PDIA3: variants seen among roughly 807,000 people sequenced by gnomAD.
PDIA3 encodes the protein protein disulfide-isomerase A3.
Under a neutral mutation model 56.9 loss-of-function variants are expected in PDIA3, and 16 were observed. The observed-to-expected ratio is 0.28, with a 90% CI of 0.19 to 0.43. The LOEUF (loss-of-function observed/expected upper bound fraction) is 0.43, where lower values mean the gene tolerates loss of function less well. Among genes scored for constraint, PDIA3 ranks in the 20% least tolerant of loss-of-function variants. The probability of loss-of-function intolerance (pLI) is 1.00; values close to 1 mark genes in which losing one functional copy is unlikely to be tolerated. For synonymous variants in PDIA3, 192 were observed against 216.5 expected (o/e 0.89, Z 0.99); for missense variants, 485 against 621.3 (o/e 0.78, Z 2.33).
At chr15:43,761,863 G>A (rs192199453) in intron 4 of PDIA3, among the ~76,000 whole-genome samples, 31 of 152,212 alleles carry the variant, frequency 2.0e-4, no homozygotes, top group South Asian at 4.1e-4. Context: ...TATCTTCAGC[G>A]TTTTCTAATG....
intron 1 of PDIA3, 114 bp downstream of exon 1, chr15:43,746,820 G>C: frequency 8.6e-7 from 1 of 1,162,386 alleles, no homozygotes; most frequent in Non-Finnish European, 1.2e-6. Flanking sequence ...GTGGGCCCCT[G>C]CTGCGGCGGG....
At chr15:43,751,271 T>A (rs1303940319) in intron 1 of PDIA3, among the ~76,000 whole-genome samples, 1 of 152,100 alleles carries the variant, frequency 6.6e-6, no homozygotes, top group Non-Finnish European at 1.5e-5. Context: ...CCTGCCTCTC[T>A]ATTGGCATCT....
In PDIA3 at chr15:43,765,948, C is replaced by G. The variant is rs151274866; in HGVS notation, c.781C>G (p.Leu261Val). 1.1e-5 allele frequency: 18 copies of G among 1,613,150 alleles called. No homozygotes were observed. Among genetic ancestry groups the G allele is most frequent in the Non-Finnish European group, 1.5e-5 (18 of 1,179,448 alleles). Residue 261 changes from leucine to valine, a missense_variant, in exon 7 of 13, where the codon CTT becomes GTT. Physicochemically the swap from Leu to Val is conservative, Grantham distance 32. Coordinates refer to ENST00000300289, the MANE Select transcript of PDIA3 (RefSeq NM_005313.5). ...AGATTTGATACAGGGCAAGGACTTA[C>G]TTATTGCTTACTATGATGTGGACTA... ...NKDLIQGKDLLIAYYDVDYEK... is the reference protein window; with the variant it reads ...NKDLIQGKDLVIAYYDVDYEK...
chr15:43,768,561 T>C lies in PDIA3; in HGVS notation c.1101T>C (p.Ser367=). The C allele has an allele frequency of 6.2e-7, 1 of 1,613,576 alleles. No homozygotes were observed. The highest frequency in any genetic ancestry group is 8.5e-7 in the Non-Finnish European group (1 of 1,179,486). Residue 367 remains serine (S), a synonymous_variant, in exon 9 of 13, where the codon TCT becomes TCC. Coordinates refer to ENST00000300289, the MANE Select transcript of PDIA3 (RefSeq NM_005313.5). The stretch of plus-strand genomic sequence containing the variant: ...GCAATCTGAAGAGATACCTGAAGTC[T>C]GAACCTATCCCAGAGAGCAATGATG... ...FDGNLKRYLK[S]EPIPESNDGP... is the part of the protein sequence containing the mutation.
chr15:43,766,031 T>G lies in PDIA3; in HGVS notation c.845+19T>G, dbSNP rs779352395. 3 of 1,611,646 alleles carry G rather than the reference T, an allele frequency of 1.9e-6. No homozygotes were observed. Among genetic ancestry groups the G allele is most frequent in the Non-Finnish European group, 2.5e-6 (3 of 1,178,844 alleles). On this transcript the variant is annotated intron_variant, in intron 7 of 12. Transcript: ENST00000300289. ...GAAACAGGTAATAAGAATTATGTTT[T>G]TCCCTCATGAACAAGTTTACCCAAT...
In PDIA3 at chr15:43,771,268, G is replaced by C; in HGVS notation, c.*50G>C. On this transcript the variant is annotated 3_prime_UTR_variant, in exon 13 of 13. Transcript: ENST00000300289. ...AAAAGGACTCTTCCATCAGAGATGGGAAAACCATTGGGGAGGACTAGGACC... is the reference window on the plus strand; with the variant it reads ...AAAAGGACTCTTCCATCAGAGATGGCAAAACCATTGGGGAGGACTAGGACC... 1 of 1,198,554 alleles carries C rather than the reference G, an allele frequency of 8.3e-7. No individual in the cohort carries two copies. The highest frequency in any genetic ancestry group is 1.2e-6 in the Non-Finnish European group (1 of 813,276). The allele number at this position is 1,198,554 out of a possible 1,614,324, so 74.2% of individuals were successfully genotyped here. A position where few individuals can be genotyped will look rare whatever the true frequency, so the allele number is the denominator to read the frequency against.
At chr15:43,769,012 G>A (rs2086865511) in intron 9 of PDIA3, among the ~76,000 whole-genome samples, 1 of 149,826 alleles carries the variant, frequency 6.7e-6, no homozygotes. Context: ...CGACAAGAGC[G>A]AAACTCCATC....
rs111423973 is a variant in PDIA3, at chr15:43,746,916, G to C, written c.167+210G>C. ...TCGGCCCAAGGAAAACCCGAAGGCTGCGCTCACGCAGGGCCTCATCCTTAT... is the reference window on the plus strand; with the variant it reads ...TCGGCCCAAGGAAAACCCGAAGGCTCCGCTCACGCAGGGCCTCATCCTTAT... On this transcript the variant is annotated intron_variant, in intron 1 of 12. Coordinates refer to ENST00000300289, the MANE Select transcript of PDIA3 (RefSeq NM_005313.5). 2,263 of 590,174 alleles carry C rather than the reference G, an allele frequency of 3.8e-3. 51 individuals carry two copies. In the African/African-American group the frequency reaches 0.039, roughly 10 times the overall value. The allele number at this position is 590,174 out of a possible 1,614,324, so 36.6% of individuals were successfully genotyped here.
At chr15:43,765,179 C>G (rs1159423213) in intron 5 of PDIA3, among the ~76,000 whole-genome samples, 1 of 151,914 alleles carries the variant, frequency 6.6e-6, no homozygotes, top group Non-Finnish European at 1.5e-5. Context: ...AGTTCAAGAC[C>G]ACCCTTGGTA....
chr15:43,757,110 G>C (rs926447010), intron 3 of PDIA3, among the ~76,000 whole-genome samples: 2 of 152,192 alleles, frequency 1.3e-5, no homozygotes, highest in African/African-American at 4.8e-5. Context: ...CATTCTGGGG[G>C]ATGAGGGGGA....
intron 1 of PDIA3, chr15:43,752,720 T>TA: frequency 2.2e-6 from 1 of 462,218 alleles, no homozygotes; most frequent in South Asian, 1.6e-5. Flanking sequence ...CATCACTTGA[T>TA]AAAATTACAC....
chr15:43,758,712 A>C (rs2086795737), intron 3 of PDIA3, among the ~76,000 whole-genome samples: 1 of 151,738 alleles, frequency 6.6e-6, no homozygotes, highest in African/African-American at 2.4e-5. Flanking sequence ...ACGGTAGCTC[A>C]TGACTGTAAT....
intron 1 of PDIA3, among the ~76,000 whole-genome samples, chr15:43,750,050 GA>G (rs1457683079): frequency 9.4e-6 from 1 of 105,934 alleles, no homozygotes; most frequent in Non-Finnish European, 1.9e-5. Flanking sequence ...AAGTGAAAGT[GA>G]AAGGTGAAAG....
At chr15:43,756,372 A>G (rs903691297) in intron 2 of PDIA3, among the ~76,000 whole-genome samples, 3 of 152,192 alleles carry the variant, frequency 2.0e-5, no homozygotes, top group Admixed American at 2.0e-4. Flanking sequence ...GATGAAGACC[A>G]CCGCTTTAGC....
At chr15:43,749,381 G>A (rs1257934884) in intron 1 of PDIA3, among the ~76,000 whole-genome samples, 2 of 152,160 alleles carry the variant, frequency 1.3e-5, no homozygotes, top group Non-Finnish European at 1.5e-5. Flanking sequence ...GCGCCACCTA[G>A]CCTGGCCTCT....
At chr15:43,761,617 G>A in intron 4 of PDIA3, 86 bp downstream of exon 4, 1 of 734,432 alleles carries the variant, frequency 1.4e-6, no homozygotes, top group South Asian at 1.7e-5. Flanking sequence ...CAGAATTAAA[G>A]CAGTTAAGGA....
At chr15:43,762,263 G>A (rs905359056) in intron 4 of PDIA3, among the ~76,000 whole-genome samples, 6 of 152,122 alleles carry the variant, frequency 3.9e-5, no homozygotes, top group African/African-American at 7.2e-5. Context: ...TGTAATCCCA[G>A]CACTTTGGGA....
In PDIA3 at chr15:43,763,363, G is replaced by A. The variant is rs559612949; in HGVS notation, c.602+157G>A. Among the ~76,000 whole-genome samples, 6 of 152,112 alleles carry A rather than the reference G, an allele frequency of 3.9e-5. No individual in the cohort carries two copies. In the South Asian group the frequency reaches 6.2e-4, roughly 16 times the overall value. ...CACCTCCCAGGTTCAAACGATTCTC[G>A]CGCCTCAACCTCCTGCATAGCTGGG... On this transcript the variant is annotated intron_variant, in intron 5 of 12. Transcript: ENST00000300289.
At chr15:43,747,600 C>T (rs1392580212) in intron 1 of PDIA3, among the ~76,000 whole-genome samples, 4 of 151,624 alleles carry the variant, frequency 2.6e-5, no homozygotes, top group Non-Finnish European at 4.4e-5. Context: ...TTTAAACCTC[C>T]AGATCATTAC....
Sources: gnomAD v4.1 joint callset for allele counts (sites outside exome capture counted in the v4.1 genomes callset) on GRCh38, gnomAD v4.1.1 for gene constraint, MANE v1.5 for transcripts, NCBI Gene and HGNC (gene_info 2026-07-23, HGNC 2026-07-21) for gene names.